Variants in ELAPOR2 observed in about 807,000 individuals in gnomAD.
ELAPOR2 encodes endosome/lysosome-associated apoptosis and autophagy regulator family member 2.
Under a neutral mutation model 120.7 loss-of-function variants are expected in ELAPOR2, and 89 were observed. The ratio of observed to expected loss-of-function variants is 0.74; its 90% CI spans 0.62 to 0.88. The LOEUF (loss-of-function observed/expected upper bound fraction) is 0.88, where lower values mean the gene tolerates loss of function less well. Ranked by LOEUF, ELAPOR2 falls within the 40% of genes least tolerant of loss-of-function variation. The pLI, the probability that ELAPOR2 is intolerant of heterozygous loss-of-function variation, is 0.00. For missense variants in ELAPOR2, 1,134 were observed against 1,251.6 expected, an observed-to-expected ratio of 0.91 and a Z score of 1.42; for synonymous variants, 444 against 444.9, an observed-to-expected ratio of 1.00 and a Z score of 0.03.
intron 1 of ELAPOR2, among the ~76,000 whole-genome samples, chr7:87,050,216 T>C (rs1044940610): frequency 6.6e-6 from 1 of 152,052 alleles, no homozygotes; most frequent in African/African-American, 2.4e-5. Flanking sequence ...TCAGATTAGG[T>C]TGGACCTTTG....
chr7:86,989,743 G>T (rs1333431440), intron 1 of ELAPOR2, among the ~76,000 whole-genome samples: 1 of 151,948 alleles, frequency 6.6e-6, no homozygotes, highest in Non-Finnish European at 1.5e-5. Context: ...GAAATCTTAA[G>T]GAGCAGAAAA....
intron 1 of ELAPOR2, among the ~76,000 whole-genome samples, chr7:87,011,964 T>C (rs1793696241): frequency 6.6e-6 from 1 of 152,172 alleles, no homozygotes. Flanking sequence ...GTAAAATTAA[T>C]TTTAATAATA....
intron 1 of ELAPOR2, among the ~76,000 whole-genome samples, chr7:87,056,586 A>G (rs984774637): frequency 6.6e-6 from 1 of 152,218 alleles, no homozygotes; most frequent in African/African-American, 2.4e-5. Context: ...TTCCAACACA[A>G]TAACTTTTCT....
chr7:86,952,685 A>G (rs1040649625), intron 2 of ELAPOR2, among the ~76,000 whole-genome samples: 6 of 152,236 alleles, frequency 3.9e-5, no homozygotes, highest in African/African-American at 1.4e-4. Context: ...TTGCCTATAA[A>G]AGGAAAATAA....
rs779995636 is a variant in ELAPOR2, at chr7:86,940,004, A to C, written c.847+6T>G. ...GTGACTACTAAAACAGAATGCCATG[A>C]AATACCTTCAATTGTGATATTTTTT... is the stretch of plus-strand genomic sequence containing the variant. On this transcript the variant is annotated splice_donor_region_variant and intron_variant, in intron 6 of 21. Transcript: ENST00000450689. The C allele has an allele frequency of 1.1e-5, 17 of 1,574,104 alleles. No homozygotes were observed. Among genetic ancestry groups the C allele is most frequent in the Non-Finnish European group, 1.5e-5 (17 of 1,148,294 alleles).
chr7:87,022,966 T>C lies in ELAPOR2; in HGVS notation c.189+36359A>G, dbSNP rs113956036. On this transcript the variant is annotated intron_variant, in intron 1 of 21. Coordinates refer to ENST00000450689, the MANE Select transcript of ELAPOR2 (RefSeq NM_001142749.3). Reference sequence around the variant, plus strand: ...ATTTGTTGGAGTTCATTGTAGATTCTGGATATTAACCCTTTGTCAGATGAG... The same window carrying C: ...ATTTGTTGGAGTTCATTGTAGATTCCGGATATTAACCCTTTGTCAGATGAG... Among the ~76,000 whole-genome samples, 368 of 152,340 alleles carry C rather than the reference T, an allele frequency of 2.4e-3. 4 individuals are homozygous for C. The highest frequency in any genetic ancestry group is 8.3e-3 in the African/African-American group (347 of 41,564).
At chr7:86,985,841 C>A (rs947894554) in intron 1 of ELAPOR2, among the ~76,000 whole-genome samples, 2 of 151,830 alleles carry the variant, frequency 1.3e-5, no homozygotes, top group African/African-American at 2.4e-5. Flanking sequence ...CAACAGGCCC[C>A]AGTGTGTGAT....
In ELAPOR2 at chr7:86,891,837, C is replaced by T; in HGVS notation, c.2917G>A (p.Glu973Lys). The T allele has an allele frequency of 6.2e-7, 1 of 1,611,766 alleles. No homozygotes were observed. ...GCACAACTGTCTGCAGCCGGGAGTT[C>T]ACACTCTTTTGAGTTAGTCGTCATT... ...LVMTTNSKECELPAADSCAIM... is the reference protein window; with the variant it reads ...LVMTTNSKECKLPAADSCAIM... The change falls in exon 21 of 22, where the codon GAA becomes AAA. Residue 973 changes from glutamate to lysine, a missense_variant. This residue lies in a region of ELAPOR2 where 831 missense variants were observed against 867.6 expected (regional missense o/e 0.96). Transcript: ENST00000450689.
At chr7:86,905,373 T>G (rs546298772) in intron 18 of ELAPOR2, among the ~76,000 whole-genome samples, 5 of 151,552 alleles carry the variant, frequency 3.3e-5, no homozygotes, top group Admixed American at 1.3e-4. Context: ...TCAGGAAAGC[T>G]GCTGTTTCTC....
intron 18 of ELAPOR2, among the ~76,000 whole-genome samples, chr7:86,898,086 C>T (rs1584319980): frequency 6.6e-6 from 1 of 152,128 alleles, no homozygotes; most frequent in East Asian, 1.9e-4. Flanking sequence ...AAGGTGGAAA[C>T]AACCCAAATG....
intron 1 of ELAPOR2, among the ~76,000 whole-genome samples, chr7:87,042,158 A>G (rs548686424): frequency 4.5e-4 from 68 of 150,376 alleles, no homozygotes; most frequent in Non-Finnish European, 1.2e-4. Flanking sequence ...ACACATTAAT[A>G]ATGGGAGACT....
intron 1 of ELAPOR2, among the ~76,000 whole-genome samples, chr7:87,015,617 C>T (rs1332366245): frequency 6.6e-6 from 1 of 151,870 alleles, no homozygotes; most frequent in East Asian, 1.9e-4. Flanking sequence ...TGAAACCCTG[C>T]CTCTACTAAA....
At chr7:86,903,089 A>C (rs949265434) in intron 18 of ELAPOR2, among the ~76,000 whole-genome samples, 54 of 152,192 alleles carry the variant, frequency 3.5e-4, no homozygotes, top group Admixed American at 3.5e-3. Context: ...GACAAACTAA[A>C]TTAACTGACA....
At chr7:86,890,447 G>A (rs970064317) in intron 21 of ELAPOR2, among the ~76,000 whole-genome samples, 6 of 151,928 alleles carry the variant, frequency 3.9e-5, no homozygotes, top group Non-Finnish European at 7.4e-5. Context: ...GAACATTCAG[G>A]TTCCTAAGGC....
At chr7:86,888,415 A>G (rs536579502) in intron 21 of ELAPOR2, among the ~76,000 whole-genome samples, 56 of 152,244 alleles carry the variant, frequency 3.7e-4, no homozygotes, top group African/African-American at 1.3e-3. Context: ...ATTAAGAATC[A>G]TATGATTTTT....
intron 1 of ELAPOR2, among the ~76,000 whole-genome samples, chr7:87,000,927 C>A (rs1793296759): frequency 7.1e-6 from 1 of 141,688 alleles, no homozygotes. Context: ...AACTTTACTT[C>A]TCTGAGCTTC....
At chr7:86,998,851 G>GTT (rs397942440) in intron 1 of ELAPOR2, among the ~76,000 whole-genome samples, 52,291 of 146,320 alleles carry the variant, frequency 0.36, 9,435 homozygotes, top group African/African-American at 0.44. Flanking sequence ...ATAGTTCCTT[G>GTT]TTTTTTTTTT....
At chr7:86,985,671 G>A (rs1037010346) in intron 1 of ELAPOR2, among the ~76,000 whole-genome samples, 1 of 151,936 alleles carries the variant, frequency 6.6e-6, no homozygotes, top group Non-Finnish European at 1.5e-5. Flanking sequence ...AATACACTAG[G>A]TATTTTTTTT....
intron 21 of ELAPOR2, among the ~76,000 whole-genome samples, chr7:86,885,565 A>G (rs553680749): frequency 6.6e-6 from 1 of 152,122 alleles, no homozygotes; most frequent in Non-Finnish European, 1.5e-5. Context: ...AGGGGACTAA[A>G]GTTTTCCTGT....
Sources: allele counts gnomAD v4.1 joint callset (sites outside exome capture counted in the v4.1 genomes callset), GRCh38; gene constraint gnomAD v4.1.1; regional missense constraint gnomAD v4.1.1; transcripts MANE v1.5; gene names NCBI Gene and HGNC (gene_info 2026-07-23, HGNC 2026-07-21).